The following PDE7A variants were observed in gnomAD, a reference collection of about 807,000 sequenced individuals.
The protein encoded by PDE7A is phosphodiesterase 7A.
In PDE7A, 39 loss-of-function variants were observed where a neutral mutation model predicts 64.3. The observed-to-expected ratio is 0.61, with a 90% CI of 0.47 to 0.79. The LOEUF is 0.79. Ranked by LOEUF, PDE7A falls within the 30% of genes least tolerant of loss-of-function variation. PDE7A has a pLI of 0.00. For missense variants in PDE7A, 470 were observed against 582.8 expected, an observed-to-expected ratio of 0.81 and a Z score of 1.99; for synonymous variants, 203 against 206.8, an observed-to-expected ratio of 0.98 and a Z score of 0.16.
At chr8:65,768,509 C>T (rs964133643) in intron 3 of PDE7A, among the ~76,000 whole-genome samples, 4 of 152,114 alleles carry the variant, frequency 2.6e-5, no homozygotes, top group Non-Finnish European at 5.9e-5. Flanking sequence ...CACCTTCGGC[C>T]GTAATTGTGA....
chr8:65,759,148 G>A (rs1808376630), intron 3 of PDE7A, among the ~76,000 whole-genome samples: 1 of 152,142 alleles, frequency 6.6e-6, no homozygotes, highest in Non-Finnish European at 1.5e-5. Context: ...CCCTTTGCTT[G>A]TCTGTTTGCC....
In PDE7A at chr8:65,730,171, C is replaced by CTTCTTTTTTTTTTTTTTTTTTTTTTT. The variant is rs1295965698; in HGVS notation, c.697-2871_697-2870insAAAAAAAAAAAAAAAAAAAAAAAGAA. ...TGTGAGGGATCCAGGTTGCGCACTTCTTTTTTTTTTTTTTTTTTTTTTTTT... is the reference window on the plus strand; with the variant it reads ...TGTGAGGGATCCAGGTTGCGCACTTCTTCTTTTTTTTTTTTTTTTTTTTTTTTTTTTTTTTTTTTTTTTTTTTTTTT... On this transcript the variant is annotated intron_variant, in intron 7 of 12. Transcript: ENST00000401827. 2.3e-5 allele frequency among the ~76,000 whole-genome samples: 2 copies of CTTCTTTTTTTTTTTTTTTTTTTTTTT among 86,434 alleles called. 1 individual carries two copies. The highest frequency in any genetic ancestry group is 9.6e-5 in the African/African-American group (2 of 20,908). The allele number at this position is 86,434 out of a possible 152,430, so 56.7% of individuals were successfully genotyped here.
chr8:65,776,239 T>C (rs1809255757), intron 3 of PDE7A, among the ~76,000 whole-genome samples: 2 of 152,196 alleles, frequency 1.3e-5, no homozygotes, highest in African/African-American at 4.8e-5. Flanking sequence ...CCTACTTCAT[T>C]ACCACACTTG....
chr8:65,826,297 G>A (rs1345461780), intron 1 of PDE7A, among the ~76,000 whole-genome samples: 1 of 152,234 alleles, frequency 6.6e-6, no homozygotes, highest in East Asian at 1.9e-4. Context: ...TGTGGAGGTA[G>A]AATTCTAGTG....
chr8:65,841,190 G>A (rs190006154), intron 1 of PDE7A, among the ~76,000 whole-genome samples, 181 bp downstream of exon 1: 59 of 152,298 alleles, frequency 3.9e-4, no homozygotes, highest in Non-Finnish European at 7.8e-4. Context: ...GGAGGCTGGA[G>A]AACTGAGGGG....
chr8:65,759,671 T>C (rs193192946), intron 3 of PDE7A, among the ~76,000 whole-genome samples: 64 of 152,336 alleles, frequency 4.2e-4, no homozygotes, highest in Non-Finnish European at 7.8e-4. Context: ...TGGAGGTTCT[T>C]ACTCTGTCAT....
chr8:65,719,425 C>G lies in PDE7A; in HGVS notation c.1314G>C (p.Gln438His), dbSNP rs1158630951. 3.7e-6 allele frequency: 6 copies of G among 1,614,026 alleles called. No homozygotes were observed. Among genetic ancestry groups the G allele is most frequent in the Non-Finnish European group, 5.1e-6 (6 of 1,179,978 alleles). ...WARFSNTRLS[Q>H]TMLGHVGLNK... Reference sequence around the variant, plus strand: ...TCAGCCCCACGTGTCCAAGCATTGTCTGGGATAGCCTTGTATTGGAAAACC... The same window carrying G: ...TCAGCCCCACGTGTCCAAGCATTGTGTGGGATAGCCTTGTATTGGAAAACC... The change falls in exon 13 of 13, where the codon CAG (glutamine) becomes CAC (histidine). Residue 438 changes from glutamine to histidine, a missense_variant. Physicochemically the swap from Gln to His is conservative, Grantham distance 24. Transcript: ENST00000401827.
intron 3 of PDE7A, among the ~76,000 whole-genome samples, chr8:65,773,571 T>C (rs1458188775): frequency 6.6e-6 from 1 of 152,134 alleles, no homozygotes; most frequent in Admixed American, 6.5e-5. Flanking sequence ...ATTTGAACCA[T>C]TTTTTTGTCA....
chr8:65,765,346 G>A (rs1270763497), intron 3 of PDE7A, among the ~76,000 whole-genome samples: 2 of 150,576 alleles, frequency 1.3e-5, no homozygotes, highest in East Asian at 1.9e-4. Flanking sequence ...AAAATTAGCC[G>A]GGCGTAGTGG....
chr8:65,749,206 T>C (rs1807820930), intron 3 of PDE7A, among the ~76,000 whole-genome samples: 1 of 152,238 alleles, frequency 6.6e-6, no homozygotes, highest in East Asian at 1.9e-4. Flanking sequence ...GAACAAATGA[T>C]GACTTTCAGA....
At position 65,754,594 on chromosome 8, in the gene PDE7A, C is replaced by T. The variant is rs969981733; in HGVS notation, c.284-6791G>A. On this transcript the variant is annotated intron_variant, in intron 3 of 12. Coordinates refer to ENST00000401827, the MANE Select transcript of PDE7A (RefSeq NM_001242318.3). The stretch of plus-strand genomic sequence containing the variant: ...CTTGTGATCCGCCCGCCTCGGCCTC[C>T]CAAAGTGCTGGGATTACAGGCTGAG... 6.6e-5 allele frequency among the ~76,000 whole-genome samples: 10 copies of T among 151,630 alleles called. 1 individual carries two copies. Among genetic ancestry groups the T allele is most frequent in the African/African-American group, 2.4e-4 (10 of 41,430 alleles).
At chr8:65,736,888 CTTT>C (rs35543290) in intron 6 of PDE7A, among the ~76,000 whole-genome samples, 1 of 133,746 alleles carries the variant, frequency 7.5e-6, no homozygotes, top group Non-Finnish European at 1.6e-5. Context: ...GGTATTGAGG[CTTT>C]TTTTTTTTTG....
intron 1 of PDE7A, among the ~76,000 whole-genome samples, chr8:65,819,875 G>T (rs1810499990): frequency 6.6e-6 from 1 of 152,284 alleles, no homozygotes; most frequent in South Asian, 2.1e-4. Flanking sequence ...TGCAATGTGA[G>T]TAAAAGAAAT....
At chr8:65,783,216 G>C (rs1361712175) in intron 1 of PDE7A, among the ~76,000 whole-genome samples, 2 of 152,156 alleles carry the variant, frequency 1.3e-5, no homozygotes, top group Non-Finnish European at 2.9e-5. Flanking sequence ...CAATCCACTG[G>C]CTTTCCTGCT....
In PDE7A at chr8:65,747,669, A is replaced by C; in HGVS notation, c.418T>G (p.Tyr140Asp). The change falls in exon 4 of 13, where the codon TAT becomes GAT. Residue 140 changes from tyrosine (Y) to aspartate (D), a missense_variant. By Grantham distance (160) the Tyr-to-Asp change is radical. Transcript: ENST00000401827. ...SNSLNILDDD[Y>D]NGQAKCMLEK... The stretch of plus-strand genomic sequence containing the variant: ...ATACACACCTTGGCTTGTCCATTAT[A>C]ATCATCATCTAAAATGTTTAGGGAA... 11 of 1,608,604 alleles carry C rather than the reference A, an allele frequency of 6.8e-6. No homozygotes were observed. Among genetic ancestry groups the C allele is most frequent in the Non-Finnish European group, 9.4e-6 (11 of 1,176,470 alleles).
chr8:65,801,344 A>G (rs1809980926), intron 1 of PDE7A, among the ~76,000 whole-genome samples: 2 of 152,250 alleles, frequency 1.3e-5, no homozygotes, highest in African/African-American at 2.4e-5. Context: ...TTCTGAAATG[A>G]ATCCATGAGC....
chr8:65,740,066 G>A (rs1807339409), intron 5 of PDE7A, among the ~76,000 whole-genome samples: 1 of 151,688 alleles, frequency 6.6e-6, no homozygotes, highest in Admixed American at 6.6e-5. Context: ...ATCCATACAG[G>A]GTTAGGAGGA....
intron 1 of PDE7A, among the ~76,000 whole-genome samples, chr8:65,810,353 G>A (rs1425936111): frequency 1.3e-5 from 2 of 151,406 alleles, no homozygotes; most frequent in Non-Finnish European, 1.5e-5. Context: ...GTCATGGGGT[G>A]GGGGGATGGG....
At chr8:65,766,815 TA>T (rs1220050920) in intron 3 of PDE7A, among the ~76,000 whole-genome samples, 4 of 152,176 alleles carry the variant, frequency 2.6e-5, no homozygotes, top group African/African-American at 9.7e-5. Context: ...ATCAGTTAAT[TA>T]AATGCAGGAG....
Sources: allele counts gnomAD v4.1 joint callset (sites outside exome capture counted in the v4.1 genomes callset), GRCh38; gene constraint gnomAD v4.1.1; transcripts MANE v1.5; gene names NCBI Gene and HGNC (gene_info 2026-07-23, HGNC 2026-07-21).